The following MAP6 variants were observed in gnomAD, a reference collection of about 807,000 sequenced individuals.
MAP6 encodes the protein microtubule-associated protein 6.
MAP6 carries 26 observed loss-of-function variants against 42.4 expected under a neutral mutation model. The observed-to-expected ratio is 0.61, with a 90% CI of 0.45 to 0.85. The LOEUF (loss-of-function observed/expected upper bound fraction) is 0.85. MAP6 is among the 40% of genes least tolerant of loss of function. The pLI is 0.00. For missense variants in MAP6, 966 were observed against 1,099.0 expected, an observed-to-expected ratio of 0.88 and a Z score of 1.71; for synonymous variants, 418 against 443.8, an observed-to-expected ratio of 0.94 and a Z score of 0.73.
intron 1 of MAP6, among the ~76,000 whole-genome samples, chr11:75,650,711 G>A (rs922402839): frequency 6.6e-6 from 1 of 152,120 alleles, no homozygotes; most frequent in Non-Finnish European, 1.5e-5. Flanking sequence ...CCTATTTTCT[G>A]AAGGAGGAAA....
At chr11:75,659,530 G>A (rs982316251) in intron 1 of MAP6, among the ~76,000 whole-genome samples, 2 of 152,190 alleles carry the variant, frequency 1.3e-5, no homozygotes, top group Non-Finnish European at 2.9e-5. Flanking sequence ...TGACTGCAAA[G>A]ATTTCAGGGA....
chr11:75,661,440 T>C (rs1046594378), intron 1 of MAP6, among the ~76,000 whole-genome samples: 2 of 152,002 alleles, frequency 1.3e-5, no homozygotes, highest in Non-Finnish European at 2.9e-5. Flanking sequence ...TACGCAAGCA[T>C]TTCAGATAAA....
At chr11:75,605,722 C>T in intron 3 of MAP6, 86 bp downstream of exon 3, 1 of 1,561,520 alleles carries the variant, frequency 6.4e-7, no homozygotes, top group Non-Finnish European at 8.6e-7. Flanking sequence ...AATTTTGTGG[C>T]CTTTTTTGGT....
At chr11:75,594,739 A>G (rs1037100751) in intron 3 of MAP6, 3 of 152,126 alleles carry the variant, frequency 2.0e-5, no homozygotes, top group African/African-American at 7.2e-5. Flanking sequence ...CCATTCACTG[A>G]ACAAATCTAC....
At chr11:75,651,038 C>A (rs1474435697) in intron 1 of MAP6, among the ~76,000 whole-genome samples, 2 of 152,170 alleles carry the variant, frequency 1.3e-5, no homozygotes, top group Non-Finnish European at 2.9e-5. Context: ...TTCATCATCA[C>A]ATTTCTCCCT....
chr11:75,613,169 A>C (rs1942934028), intron 1 of MAP6, among the ~76,000 whole-genome samples: 1 of 152,148 alleles, frequency 6.6e-6, no homozygotes, highest in Non-Finnish European at 1.5e-5. Flanking sequence ...TAAAGGCTTG[A>C]CATTCAGTGG....
At chr11:75,651,179 G>A (rs932786558) in intron 1 of MAP6, among the ~76,000 whole-genome samples, 4 of 152,184 alleles carry the variant, frequency 2.6e-5, no homozygotes, top group Non-Finnish European at 4.4e-5. Flanking sequence ...TGTAGGAAGA[G>A]CTCAACAAAT....
chr11:75,666,075 T>G (rs949163358), intron 1 of MAP6, among the ~76,000 whole-genome samples: 1 of 152,142 alleles, frequency 6.6e-6, no homozygotes, highest in African/African-American at 2.4e-5. Flanking sequence ...GGACTAACTC[T>G]CTAGTCCTCC....
intron 1 of MAP6, among the ~76,000 whole-genome samples, chr11:75,643,232 A>G (rs1385187067): frequency 3.3e-5 from 5 of 150,614 alleles, no homozygotes; most frequent in Admixed American, 2.0e-4. Flanking sequence ...ATATATATAT[A>G]TAAATATATA....
intron 3 of MAP6, among the ~76,000 whole-genome samples, chr11:75,588,475 G>C (rs1942408945): frequency 6.6e-6 from 1 of 152,094 alleles, no homozygotes; most frequent in Non-Finnish European, 1.5e-5. Flanking sequence ...ACTGTAGCTG[G>C]ACTCGGAGTC....
chr11:75,667,860 G>A lies in MAP6; in HGVS notation c.510C>T (p.Asp170=). Residue 170 remains aspartate (D), a synonymous_variant, in exon 1 of 4, where the codon GAC becomes GAT. Transcript: ENST00000304771. The surrounding 1 kb of genome is among the most constrained non-coding windows in gnomAD (Gnocchi z 5.6). Reference sequence around the variant, plus strand: ...GCACGGGCTTGGGGATCCACGGGTGGTCCCCGCGGCGCGGCAGCGGCCAGG... The same window carrying A: ...GCACGGGCTTGGGGATCCACGGGTGATCCCCGCGGCGCGGCAGCGGCCAGG... The part of the protein sequence containing the change: ...FRAWPLPRRG[D]HPWIPKPVQI... The A allele has an allele frequency of 1.4e-6, 2 of 1,441,592 alleles. No individual in the cohort carries two copies. Among genetic ancestry groups the A allele is most frequent in the Non-Finnish European group, 1.8e-6 (2 of 1,094,566 alleles). The allele number at this position is 1,441,592 out of a possible 1,614,324, so 89.3% of individuals were successfully genotyped here.
chr11:75,629,655 C>T (rs1943253784), intron 1 of MAP6, among the ~76,000 whole-genome samples: 1 of 152,162 alleles, frequency 6.6e-6, no homozygotes, highest in Non-Finnish European at 1.5e-5. Context: ...GCTGCTATCA[C>T]TTGCTTGTTT....
rs1943992438 is a variant in MAP6 at position 75,668,034 on chromosome 11, G to A, written c.336C>T (p.Ser112=). Residue 112 remains serine, a synonymous_variant, in exon 1 of 4, where the codon TCC becomes TCT. Transcript: ENST00000304771. ...TCACCGAGTCCGCGGGGCCGGAGGT[G>A]GAGCCGGAGCCCAGGCCCGGGCCCG... ...SGPGPGLGSG[S]TSGPADSVMR... is the part of the protein sequence containing the mutation. 9 of 1,230,600 alleles carry A rather than the reference G, an allele frequency of 7.3e-6. No homozygotes were observed. The highest frequency in any genetic ancestry group is 8.1e-6 in the Non-Finnish European group (8 of 987,096). The allele number at this position is 1,230,600 out of a possible 1,614,324, so 76.2% of individuals were successfully genotyped here. A position where few individuals can be genotyped will look rare whatever the true frequency, so the allele number is the denominator to read the frequency against.
chr11:75,602,816 C>T (rs1942688452), intron 3 of MAP6: 2 of 985,096 alleles, frequency 2.0e-6, no homozygotes, highest in Middle Eastern at 5.2e-4. Context: ...TTCATTCCTT[C>T]ACCTACTCAG....
At chr11:75,654,877 C>G (rs1286344755) in intron 1 of MAP6, among the ~76,000 whole-genome samples, 1 of 152,172 alleles carries the variant, frequency 6.6e-6, no homozygotes, top group Admixed American at 6.5e-5. Flanking sequence ...TCAAACCCAG[C>G]TTTGATGGAC....
chr11:75,648,489 C>A (rs687793), intron 1 of MAP6, among the ~76,000 whole-genome samples: 27,112 of 151,278 alleles, frequency 0.18, 2,703 homozygotes, highest in African/African-American at 0.25. Flanking sequence ...CAGAGTGAGA[C>A]CCTGTCTAAA....
At chr11:75,654,299 G>GATAAAAA (rs1227663283) in intron 1 of MAP6, among the ~76,000 whole-genome samples, 19 of 152,218 alleles carry the variant, frequency 1.2e-4, no homozygotes, top group African/African-American at 4.6e-4. Context: ...GTGCCCTTCT[G>GATAAAAA]AATTTTTATC....
intron 1 of MAP6, among the ~76,000 whole-genome samples, chr11:75,651,323 T>C (rs1192614391): frequency 2.0e-5 from 3 of 152,136 alleles, no homozygotes; most frequent in Admixed American, 1.3e-4. Flanking sequence ...GGTGTTATAG[T>C]AGATTTTTAG....
At chr11:75,656,280 T>C (rs771393407) in intron 1 of MAP6, among the ~76,000 whole-genome samples, 5 of 152,154 alleles carry the variant, frequency 3.3e-5, no homozygotes, top group Non-Finnish European at 7.4e-5. Context: ...GTGGGTTTTG[T>C]GGCTTGAGGT....
Sources: allele counts gnomAD v4.1 joint callset (sites outside exome capture counted in the v4.1 genomes callset), GRCh38; gene constraint gnomAD v4.1.1; non-coding constraint Gnocchi (gnomAD v3.1); transcripts MANE v1.5; gene names NCBI Gene and HGNC (gene_info 2026-07-23, HGNC 2026-07-21).